The following TTLL9 variants were observed in gnomAD, a reference collection of about 807,000 sequenced individuals.
TTLL9 encodes probable tubulin polyglutamylase TTLL9.
In TTLL9, 47 loss-of-function variants were observed where a neutral mutation model predicts 65.6. The observed-to-expected ratio is 0.72, with a 90% confidence interval of 0.57 to 0.91. The LOEUF is 0.91. Ranked by LOEUF, TTLL9 falls within the 40% of genes least tolerant of loss-of-function variation. The probability of loss-of-function intolerance (pLI) is 0.00; values close to 1 mark genes in which losing one functional copy is unlikely to be tolerated. For missense variants in TTLL9, 537 were observed against 568.8 expected (o/e 0.94, Z 0.57); for synonymous variants, 179 against 204.8 (o/e 0.87, Z 1.07).
chr20:31,932,927 C>T (rs866827940), intron 10 of TTLL9, among the ~76,000 whole-genome samples: 2 of 152,038 alleles, frequency 1.3e-5, no homozygotes, highest in Admixed American at 1.3e-4. Flanking sequence ...GCTCGGGAGG[C>T]GGAGGTTGCA....
chr20:31,909,896 C>T lies in TTLL9; in HGVS notation c.478C>T (p.Pro160Ser). 1 of 1,614,102 alleles carries T rather than the reference C, an allele frequency of 6.2e-7. No homozygotes were observed. Reference protein sequence around the residue: ...HLFVEEFRKNPGITWIMKPVA... With the variant: ...HLFVEEFRKNSGITWIMKPVA... ...GTTTGTAGAGGAGTTTCGCAAAAAC[C>T]CAGGAATCACCTGGATCATGAAGCC... Residue 160 changes from proline (P) to serine (S), a missense_variant, in exon 6 of 15, where the codon CCA becomes TCA. Coordinates refer to ENST00000535842, the MANE Select transcript of TTLL9 (RefSeq NM_001008409.5).
At chr20:31,942,187 CAG>C (rs1305490941) in intron 14 of TTLL9, among the ~76,000 whole-genome samples, 1 of 152,128 alleles carries the variant, frequency 6.6e-6, no homozygotes, top group Non-Finnish European at 1.5e-5. Flanking sequence ...CTAGTGGCCA[CAG>C]AGATTCAGTC....
At chr20:31,927,480 C>CAAAAAAAAAAAAAAAAAAAA (rs777895091) in intron 10 of TTLL9, among the ~76,000 whole-genome samples, 1 of 54,198 alleles carries the variant, frequency 1.8e-5, no homozygotes, top group African/African-American at 7.7e-5. Context: ...GACTCTGTCT[C>CAAAAAAAAAAAAAAAAAAAA]AAAAAAAAAA....
intron 2 of TTLL9, among the ~76,000 whole-genome samples, chr20:31,875,273 G>A (rs1284883866): frequency 1.3e-5 from 2 of 151,992 alleles, no homozygotes; most frequent in Admixed American, 1.3e-4. Context: ...ATAAATGAGA[G>A]GACATGTTTC....
chr20:31,877,368 C>T (rs772645809), intron 2 of TTLL9, among the ~76,000 whole-genome samples: 26 of 152,144 alleles, frequency 1.7e-4, no homozygotes, highest in Non-Finnish European at 3.1e-4. Flanking sequence ...CTGTTGACCT[C>T]GTGATCTGCC....
In TTLL9 at chr20:31,943,132, GGC is replaced by G; in HGVS notation, c.*112_*113del. On this transcript the variant is annotated 3_prime_UTR_variant, in exon 15 of 15. Transcript: ENST00000535842. ...GCATTCGCCTCCCCACCTCCAGCCT[GGC>G]ACCAGCTTTGCTGGCTTAGCAGCTG... 1 of 1,043,450 alleles carries G rather than the reference GGC, an allele frequency of 9.6e-7. No homozygotes were observed. The highest frequency in any genetic ancestry group is 1.5e-6 in the Non-Finnish European group (1 of 679,978). The allele number at this position is 1,043,450 out of a possible 1,614,324, so 64.6% of individuals were successfully genotyped here. A position where few individuals can be genotyped will look rare whatever the true frequency, so the allele number is the denominator to read the frequency against.
At chr20:31,902,272 C>A (rs1448249533) in intron 4 of TTLL9, among the ~76,000 whole-genome samples, 2 of 152,224 alleles carry the variant, frequency 1.3e-5, no homozygotes, top group Non-Finnish European at 2.9e-5. Flanking sequence ...ATTCTGGACA[C>A]ATCATGTAAG....
In TTLL9 at chr20:31,877,907, T is replaced by C. The variant is rs143095766; in HGVS notation, c.69+6712T>C. ...TCCCATCCATGAACATGGTATATCA[T>C]TGCATTTATTTGATGTCCTTTAATA... On this transcript the variant is annotated intron_variant, in intron 2 of 14. Coordinates refer to ENST00000535842, the MANE Select transcript of TTLL9 (RefSeq NM_001008409.5). Among the ~76,000 whole-genome samples the C allele has an allele frequency of 7.4e-3, 1,129 of 152,358 alleles. 12 individuals carry two copies. Among genetic ancestry groups the C allele is most frequent in the African/African-American group, 0.025 (1,041 of 41,574 alleles).
intron 10 of TTLL9, among the ~76,000 whole-genome samples, chr20:31,932,964 C>T (rs1345780377): frequency 6.6e-6 from 1 of 152,112 alleles, no homozygotes; most frequent in Admixed American, 6.6e-5. Flanking sequence ...CCACTGCACT[C>T]CAGTCTGGGC....
intron 6 of TTLL9, among the ~76,000 whole-genome samples, chr20:31,916,830 G>A (rs1600587549): frequency 6.6e-6 from 1 of 152,186 alleles, no homozygotes; most frequent in African/African-American, 2.4e-5. Flanking sequence ...TTTTTAACAA[G>A]GAGAAACATC....
At chr20:31,904,350 C>CTTTTT (rs71185374) in intron 4 of TTLL9, among the ~76,000 whole-genome samples, 29 of 81,762 alleles carry the variant, frequency 3.5e-4, no homozygotes, top group South Asian at 4.8e-4. Flanking sequence ...TTTGATAATT[C>CTTTTT]TTTTTTTTTT....
At chr20:31,906,735 C>T (rs1352718127) in intron 4 of TTLL9, among the ~76,000 whole-genome samples, 1 of 152,082 alleles carries the variant, frequency 6.6e-6, no homozygotes, top group Non-Finnish European at 1.5e-5. Flanking sequence ...CCACAACCTC[C>T]ACCCCCCTGC....
chr20:31,871,016 C>A lies in TTLL9; in HGVS notation c.-6+67C>A, dbSNP rs575960978. On this transcript the variant is annotated intron_variant, in intron 1 of 14. Coordinates refer to ENST00000535842, the MANE Select transcript of TTLL9 (RefSeq NM_001008409.5). ...GACACCCTACCAACCAGCCTTCCTC[C>A]TTTCCCATCCATTCTCCCACCCTCC... 6.5e-6 allele frequency: 7 copies of A among 1,079,716 alleles called. No individual in the cohort carries two copies. In the South Asian group the frequency reaches 8.9e-5, roughly 14 times the overall value. The allele number at this position is 1,079,716 out of a possible 1,614,324, so 66.9% of individuals were successfully genotyped here.
intron 14 of TTLL9, chr20:31,939,751 C>T (rs1048005539): frequency 6.6e-6 from 1 of 152,408 alleles, no homozygotes; most frequent in Non-Finnish European, 1.5e-5. Context: ...CTCATTTTAT[C>T]TTTAAGGAGT....
At chr20:31,890,148 TC>T (rs1467456001) in intron 3 of TTLL9, among the ~76,000 whole-genome samples, 89 of 119,836 alleles carry the variant, frequency 7.4e-4, no homozygotes, top group East Asian at 4.7e-3. Flanking sequence ...CTTCCTTCCT[TC>T]CTTCCTTCTT....
At chr20:31,899,969 C>T (rs2063451233) in intron 4 of TTLL9, among the ~76,000 whole-genome samples, 1 of 152,118 alleles carries the variant, frequency 6.6e-6, no homozygotes, top group Non-Finnish European at 1.5e-5. Context: ...ACTGTGTTAG[C>T]CAGGATGGTC....
intron 2 of TTLL9, among the ~76,000 whole-genome samples, chr20:31,871,746 G>C (rs1568717941): frequency 6.6e-6 from 1 of 152,140 alleles, no homozygotes; most frequent in Non-Finnish European, 1.5e-5. Context: ...GTATATGATA[G>C]AGACTAGGGA....
chr20:31,870,824 G>T lies in TTLL9; in HGVS notation c.-131G>T, dbSNP rs1047968189. ...GTCCCCCTTCCGGCTCTGCCTGGACGTCCCTGCGGGCCCCGGGGGAAAGCA... is the reference window on the plus strand; with the variant it reads ...GTCCCCCTTCCGGCTCTGCCTGGACTTCCCTGCGGGCCCCGGGGGAAAGCA... On this transcript the variant is annotated 5_prime_UTR_variant, in exon 1 of 15. Transcript: ENST00000535842. This position sits in a 1 kb window ranked among gnomAD's most constrained non-coding sequence, Gnocchi z 6.6. 2.1e-5 allele frequency: 11 copies of T among 522,906 alleles called. No homozygotes were observed. In the Admixed American group the frequency reaches 2.1e-4, roughly 10 times the overall value. 32.4% of individuals were successfully genotyped at this position (522,906 alleles called of 1,614,324 possible). A position where few individuals can be genotyped will look rare whatever the true frequency, so the allele number is the denominator to read the frequency against.
At chr20:31,904,951 G>A (rs2063530417) in intron 4 of TTLL9, among the ~76,000 whole-genome samples, 1 of 152,170 alleles carries the variant, frequency 6.6e-6, no homozygotes, top group Admixed American at 6.5e-5. Flanking sequence ...TGCACTGTGT[G>A]ACATGGCTTG....
Sources: allele counts gnomAD v4.1 joint callset (sites outside exome capture counted in the v4.1 genomes callset), GRCh38; gene constraint gnomAD v4.1.1; non-coding constraint Gnocchi (gnomAD v3.1); transcripts MANE v1.5; gene names NCBI Gene and HGNC (gene_info 2026-07-23, HGNC 2026-07-21).